The following SORCS1 variants were observed in gnomAD, a reference collection of about 807,000 sequenced individuals.
SORCS1 encodes the protein sortilin related VPS10 domain containing receptor 1.
Under a neutral mutation model 146.1 loss-of-function variants are expected in SORCS1, and 60 were observed. That is an observed-to-expected ratio of 0.41 (90% CI 0.33 to 0.51). The LOEUF is 0.51. Among genes scored for constraint, SORCS1 ranks in the 20% least tolerant of loss-of-function variants. The pLI is 0.21. For missense variants in SORCS1, 1,352 were observed against 1,487.6 expected (o/e 0.91, Z 1.50); for synonymous variants, 637 against 584.0 (o/e 1.09, Z -1.31).
chr10:106,789,720 G>A (rs1946222427), intron 3 of SORCS1, among the ~76,000 whole-genome samples: 1 of 152,176 alleles, frequency 6.6e-6, no homozygotes, highest in Non-Finnish European at 1.5e-5. Flanking sequence ...CCTCCAAACT[G>A]TTCTAACCTC....
At chr10:107,118,064 C>A (rs1270444015) in intron 1 of SORCS1, among the ~76,000 whole-genome samples, 1 of 152,078 alleles carries the variant, frequency 6.6e-6, no homozygotes, top group African/African-American at 2.4e-5. Context: ...TATGTTGAAA[C>A]CTTATCCCCA....
the SORCS1 span, among the ~76,000 whole-genome samples, chr10:107,178,077 G>T: frequency 6.6e-6 from 1 of 152,138 alleles, no homozygotes; most frequent in Non-Finnish European, 1.5e-5. Context: ...GTGATGGGAT[G>T]ATCTCTGCAG....
intron 25 of SORCS1, chr10:106,579,081 A>C (rs761501987): frequency 6.2e-7 from 1 of 1,613,482 alleles, no homozygotes; most frequent in Non-Finnish European, 8.5e-7. Context: ...GGCTACTGGG[A>C]ATCATTTACC....
At chr10:106,800,521 T>A (rs1215043131) in intron 3 of SORCS1, among the ~76,000 whole-genome samples, 1 of 121,536 alleles carries the variant, frequency 8.2e-6, no homozygotes, top group African/African-American at 3.0e-5. Context: ...ATCTTTTTTT[T>A]TTTTTTTTTT....
chr10:106,899,215 T>C (rs1321919606), intron 2 of SORCS1, among the ~76,000 whole-genome samples: 1 of 152,200 alleles, frequency 6.6e-6, no homozygotes, highest in African/African-American at 2.4e-5. Context: ...TGAACCCAAG[T>C]GGCAGCCATG....
chr10:107,092,113 A>G (rs1312293481), intron 1 of SORCS1, among the ~76,000 whole-genome samples: 4 of 152,236 alleles, frequency 2.6e-5, no homozygotes, highest in African/African-American at 9.6e-5. Context: ...CCAACTATGA[A>G]AATGTGGTAA....
chr10:106,684,532 G>A (rs1474470109), intron 10 of SORCS1, among the ~76,000 whole-genome samples: 4 of 152,122 alleles, frequency 2.6e-5, no homozygotes, highest in Non-Finnish European at 5.9e-5. Flanking sequence ...CTATCTAATT[G>A]TACAATGCAG....
rs187836855 is a variant in SORCS1 at position 106,583,804 on chromosome 10, C to T, written c.3266-4330G>A. ...GATTACAGGTGTGAGCCATTGCACC[C>T]GGTCCCCCTTGCTGCAGTTTTGCCC... On this transcript the variant is annotated intron_variant, in intron 24 of 25. Transcript: ENST00000263054. Among the ~76,000 whole-genome samples the T allele has an allele frequency of 1.3e-4, 20 of 152,176 alleles. No homozygotes were observed. The East Asian group carries it at 3.5e-3, about 27-fold the overall frequency.
chr10:106,744,453 A>C (rs905634163), intron 5 of SORCS1, among the ~76,000 whole-genome samples: 1 of 152,064 alleles, frequency 6.6e-6, no homozygotes, highest in African/African-American at 2.4e-5. Flanking sequence ...TTTGTAGGTA[A>C]ATATCTGTAT....
In SORCS1 at chr10:106,577,025, T is replaced by A. The variant is rs1039019737; in HGVS notation, c.*395A>T. ...GTTTTCCATTAAAATAGAGCACCTG[T>A]ACACTGCCCCTCCAGACATGTTCTC... is the stretch of plus-strand genomic sequence containing the variant. On this transcript the variant is annotated 3_prime_UTR_variant, in exon 26 of 26. Coordinates refer to ENST00000263054, the MANE Select transcript of SORCS1 (RefSeq NM_052918.5). 1 of 368,670 alleles carries A rather than the reference T, an allele frequency of 2.7e-6. No individual in the cohort carries two copies. The highest frequency in any genetic ancestry group is 5.1e-6 in the Non-Finnish European group (1 of 196,444). 22.8% of individuals were successfully genotyped at this position (368,670 alleles called of 1,614,324 possible).
intron 3 of SORCS1, among the ~76,000 whole-genome samples, chr10:106,820,198 C>T (rs953591): frequency 0.25 from 37,625 of 152,108 alleles, 5,594 homozygotes; most frequent in Non-Finnish European, 0.34. Context: ...TAGTATTCTA[C>T]TCCCCAAACA....
the SORCS1 span, among the ~76,000 whole-genome samples, chr10:107,174,633 C>T: frequency 6.6e-6 from 1 of 151,892 alleles, no homozygotes; most frequent in African/African-American, 2.4e-5. Context: ...TTTATATTGA[C>T]CTTATATCTG....
upstream of SORCS1, among the ~76,000 whole-genome samples, chr10:107,169,571 G>A (rs898965045): frequency 5.3e-5 from 8 of 152,206 alleles, no homozygotes; most frequent in South Asian, 2.1e-4. Flanking sequence ...TTGGACACCC[G>A]TTGGAGATAA....
intron 1 of SORCS1, among the ~76,000 whole-genome samples, chr10:107,067,367 C>A (rs1041449588): frequency 3.2e-4 from 49 of 151,480 alleles, no homozygotes; most frequent in African/African-American, 1.1e-3. Context: ...ATCTCCTAAT[C>A]CTTGCGTGTA....
chr10:107,051,490 T>G lies in SORCS1; in HGVS notation c.559-94910A>C, dbSNP rs544636322. ...GTTTCTAGTTGTCAACGCCAATGGG[T>G]GTATGAAGAAAGTTTAGACAGTTTC... On this transcript the variant is annotated intron_variant, in intron 1 of 25. Transcript: ENST00000263054. Among the ~76,000 whole-genome samples, 15 of 152,234 alleles carry G rather than the reference T, an allele frequency of 9.9e-5. No homozygotes were observed. In the South Asian group the frequency reaches 3.1e-3, roughly 32 times the overall value.
chr10:106,675,279 G>A (rs555681694), intron 13 of SORCS1, 123 bp from the exon 14 acceptor site: 16 of 689,530 alleles, frequency 2.3e-5, no homozygotes, highest in African/African-American at 3.6e-5. Flanking sequence ...TTGTCAAAAT[G>A]AGCCTTTCAT....
chr10:106,959,080 G>C (rs1955099325), intron 1 of SORCS1, among the ~76,000 whole-genome samples: 1 of 152,202 alleles, frequency 6.6e-6, no homozygotes, highest in African/African-American at 2.4e-5. Flanking sequence ...GTGCCCCGGA[G>C]AAGGAACCCT....
intron 1 of SORCS1, among the ~76,000 whole-genome samples, chr10:106,985,474 A>T (rs1274120896): frequency 1.3e-5 from 2 of 152,124 alleles, no homozygotes; most frequent in East Asian, 3.8e-4. Flanking sequence ...ATGAATGTCT[A>T]CAGAGTGTCA....
intron 1 of SORCS1, among the ~76,000 whole-genome samples, chr10:106,971,165 A>G (rs9804278): frequency 0.049 from 7,469 of 152,062 alleles, 581 homozygotes; most frequent in African/African-American, 0.17. Context: ...CACTCCTTAA[A>G]ACATGTCTGT....
Sources: gnomAD v4.1 joint callset for allele counts (sites outside exome capture counted in the v4.1 genomes callset) on GRCh38, gnomAD v4.1.1 for gene constraint, MANE v1.5 for transcripts, NCBI Gene and HGNC (gene_info 2026-07-23, HGNC 2026-07-21) for gene names.